SNX18: variants seen among roughly 807,000 people sequenced by gnomAD.
SNX18 encodes the protein sorting nexin 18.
In SNX18, 35 loss-of-function variants were observed where a neutral mutation model predicts 48.7. The observed-to-expected ratio is 0.72, with a 90% CI of 0.55 to 0.95. The LOEUF (loss-of-function observed/expected upper bound fraction) is 0.95. Ranked by LOEUF, SNX18 falls within the 40% of genes least tolerant of loss-of-function variation. The probability of loss-of-function intolerance (pLI) is 0.00; values close to 1 mark genes in which losing one functional copy is unlikely to be tolerated. For missense variants in SNX18, 824 were observed against 871.0 expected (o/e 0.95, Z 0.68); for synonymous variants, 492 against 384.7 (o/e 1.28, Z -3.26).
chr5:54,599,562 C>A, the SNX18 span, among the ~76,000 whole-genome samples: 2 of 152,054 alleles, frequency 1.3e-5, no homozygotes, highest in Middle Eastern at 3.2e-3. Flanking sequence ...GGAGGCATCA[C>A]CCTACCAGAC....
At chr5:54,584,909 A>G in the SNX18 span, among the ~76,000 whole-genome samples, 2 of 152,194 alleles carry the variant, frequency 1.3e-5, no homozygotes, top group Admixed American at 6.5e-5. Flanking sequence ...CAGACAGGCC[A>G]TGCTGGTTGG....
the SNX18 span, among the ~76,000 whole-genome samples, chr5:54,568,676 T>C: frequency 6.6e-6 from 1 of 152,308 alleles, no homozygotes; most frequent in South Asian, 2.1e-4. Flanking sequence ...CTCAGCCCTC[T>C]GAGCCCTAGT....
chr5:54,566,532 C>G, the SNX18 span, among the ~76,000 whole-genome samples: 1 of 152,214 alleles, frequency 6.6e-6, no homozygotes, highest in Non-Finnish European at 1.5e-5. Flanking sequence ...GATTTTTCCC[C>G]TAACAAAGAG....
the SNX18 span, among the ~76,000 whole-genome samples, chr5:54,568,906 G>A: frequency 7.5e-6 from 1 of 132,520 alleles, no homozygotes; most frequent in Non-Finnish European, 1.5e-5. Flanking sequence ...GCAGTGGCAC[G>A]ATCTTGGCTC....
chr5:54,543,394 A>C lies in SNX18; in HGVS notation c.1837A>C (p.Lys613Gln). The change falls in exon 2 of 2, where the codon AAG becomes CAG. Residue 613 changes from lysine (K) to glutamine (Q), a missense_variant. Physicochemically the swap from Lys to Gln is moderately conservative, Grantham distance 53. Transcript: ENST00000381410. ...QIIFFQKVTQ[K>Q]LEEALHKYDS... Reference sequence around the variant, plus strand: ...AATATTTTTCCAAAAAGTTACCCAGAAGTTGGAAGAAGCTCTTCACAAATA... The same window carrying C: ...AATATTTTTCCAAAAAGTTACCCAGCAGTTGGAAGAAGCTCTTCACAAATA... 6.2e-7 allele frequency: 1 copy of C among 1,614,146 alleles called. No individual in the cohort carries two copies.
chr5:54,565,924 T>TG, the SNX18 span, among the ~76,000 whole-genome samples: 1 of 152,170 alleles, frequency 6.6e-6, no homozygotes, highest in Non-Finnish European at 1.5e-5. Flanking sequence ...ACCCACTGAC[T>TG]TTTTCTGGGC....
chr5:54,519,105 A>C lies in SNX18; in HGVS notation c.1153A>C (p.Thr385Pro). The C allele has an allele frequency of 6.2e-7, 1 of 1,614,106 alleles. No individual in the cohort carries two copies. The part of the protein sequence containing the change: ...FQHFLTCPSS[T>P]DEKAWKQGKR... Reference sequence around the variant, plus strand: ...GCACTTCCTGACGTGCCCCAGCAGCACCGACGAGAAAGCCTGGAAGCAGGG... The same window carrying C: ...GCACTTCCTGACGTGCCCCAGCAGCCCCGACGAGAAAGCCTGGAAGCAGGG... The change falls in exon 1 of 2, where the codon ACC becomes CCC. Residue 385 changes from threonine (T) to proline (P), a missense_variant. Thr to Pro is a conservative substitution (Grantham distance 38). This residue lies in a region of SNX18 where 443 missense variants were observed against 503.6 expected (regional missense o/e 0.88). Transcript: ENST00000381410.
chr5:54,577,834 T>G, the SNX18 span, among the ~76,000 whole-genome samples: 5 of 152,128 alleles, frequency 3.3e-5, no homozygotes, highest in East Asian at 9.7e-4. Context: ...TGTGCAGAAA[T>G]GGAGGAAGTG....
At chr5:54,606,975 C>T in the SNX18 span, among the ~76,000 whole-genome samples, 1 of 152,168 alleles carries the variant, frequency 6.6e-6, no homozygotes, top group Non-Finnish European at 1.5e-5. Flanking sequence ...CTTCCTCACC[C>T]ACCCCATCCC....
At chr5:54,630,276 A>G in the SNX18 span, among the ~76,000 whole-genome samples, 1 of 152,340 alleles carries the variant, frequency 6.6e-6, no homozygotes, top group South Asian at 2.1e-4. Flanking sequence ...GACTACTTAC[A>G]CAGGATGGCT....
chr5:54,576,293 T>G, the SNX18 span, among the ~76,000 whole-genome samples: 10 of 152,198 alleles, frequency 6.6e-5, no homozygotes, highest in Non-Finnish European at 1.2e-4. Flanking sequence ...TTTATGCCAC[T>G]AAGTTTTGGG....
the SNX18 span, among the ~76,000 whole-genome samples, chr5:54,591,430 A>G: frequency 6.6e-6 from 1 of 152,230 alleles, no homozygotes; most frequent in East Asian, 1.9e-4. Flanking sequence ...GGCCCAAACA[A>G]TCCTCCTGCC....
the SNX18 span, among the ~76,000 whole-genome samples, chr5:54,639,283 T>C: frequency 6.6e-6 from 1 of 152,134 alleles, no homozygotes; most frequent in Admixed American, 6.5e-5. Context: ...AGGTGTATCA[T>C]GTTTTAAAAA....
At chr5:54,553,535 A>G in the SNX18 span, among the ~76,000 whole-genome samples, 1 of 152,200 alleles carries the variant, frequency 6.6e-6, no homozygotes, top group Non-Finnish European at 1.5e-5. Flanking sequence ...TCTTGGTGTG[A>G]TGCAAGGGAC....
the SNX18 span, among the ~76,000 whole-genome samples, chr5:54,595,302 C>A: frequency 6.6e-6 from 1 of 152,206 alleles, no homozygotes; most frequent in African/African-American, 2.4e-5. Context: ...GTGGCACAAT[C>A]TCAGCTCACT....
chr5:54,605,719 G>T, the SNX18 span, among the ~76,000 whole-genome samples: 1 of 152,110 alleles, frequency 6.6e-6, no homozygotes, highest in Non-Finnish European at 1.5e-5. Flanking sequence ...GAGTGCAGTG[G>T]CACTATCGCA....
At chr5:54,640,204 TAG>T in the SNX18 span, among the ~76,000 whole-genome samples, 2 of 139,110 alleles carry the variant, frequency 1.4e-5, no homozygotes, top group East Asian at 4.0e-4. Context: ...TGTCTAGAAA[TAG>T]ATTCTTTTTT....
chr5:54,546,644 T>C (rs1021775653), downstream of SNX18: 9 of 152,220 alleles, frequency 5.9e-5, no homozygotes, highest in African/African-American at 2.2e-4. Context: ...TTATTTAATG[T>C]GAAGAATTAC....
chr5:54,592,891 C>T, the SNX18 span, among the ~76,000 whole-genome samples: 2 of 152,200 alleles, frequency 1.3e-5, no homozygotes, highest in African/African-American at 4.8e-5. Flanking sequence ...ACCTCCACCT[C>T]CCAGGTTCAA....
Sources: allele counts gnomAD v4.1 joint callset (sites outside exome capture counted in the v4.1 genomes callset), GRCh38; gene constraint gnomAD v4.1.1; regional missense constraint gnomAD v4.1.1; transcripts MANE v1.5; gene names NCBI Gene and HGNC (gene_info 2026-07-23, HGNC 2026-07-21).